The following SLC43A2 variants were observed in gnomAD, a reference collection of about 807,000 sequenced individuals.
The protein encoded by SLC43A2 is large neutral amino acids transporter small subunit 4.
A neutral mutation model predicts 63.2 loss-of-function variants in SLC43A2; 38 were observed. The observed-to-expected ratio is 0.60, with a 90% CI of 0.46 to 0.79. SLC43A2 has a LOEUF of 0.79. Among genes scored for constraint, SLC43A2 ranks in the 30% least tolerant of loss-of-function variants. The pLI, the probability that SLC43A2 is intolerant of heterozygous loss-of-function variation, is 0.00. For missense variants in SLC43A2, 644 were observed against 756.2 expected, an observed-to-expected ratio of 0.85 and a Z score of 1.74; for synonymous variants, 322 against 331.0, an observed-to-expected ratio of 0.97 and a Z score of 0.30.
chr17:1,585,789 G>A (rs536562930), intron 10 of SLC43A2, 124 bp downstream of exon 10: 20 of 1,599,850 alleles, frequency 1.3e-5, no homozygotes, highest in Middle Eastern at 1.7e-4. Flanking sequence ...TAAGGGCTCC[G>A]GGAGCAGCTG....
At chr17:1,590,302 G>T (rs146550798) in intron 9 of SLC43A2, among the ~76,000 whole-genome samples, 1 of 151,650 alleles carries the variant, frequency 6.6e-6, no homozygotes, top group African/African-American at 2.4e-5. Flanking sequence ...CGCAAGCTCC[G>T]AGGAAGTCTC....
At chr17:1,580,442 C>G (rs1309997379) in intron 11 of SLC43A2, among the ~76,000 whole-genome samples, 1 of 152,268 alleles carries the variant, frequency 6.6e-6, no homozygotes, top group Non-Finnish European at 1.5e-5. Context: ...CCACCTCGGA[C>G]TGTGCTCCAG....
intron 5 of SLC43A2, among the ~76,000 whole-genome samples, chr17:1,607,694 T>A (rs1033203012): frequency 2.0e-5 from 3 of 152,034 alleles, no homozygotes; most frequent in East Asian, 1.9e-4. Flanking sequence ...GTTGGCAAAC[T>A]TTTTCCATAA....
intron 9 of SLC43A2, 71 bp from the exon 10 acceptor site, chr17:1,586,122 G>A: frequency 6.7e-7 from 1 of 1,501,530 alleles, no homozygotes; most frequent in Non-Finnish European, 8.9e-7. Flanking sequence ...GGCACCAGCT[G>A]GGAAGGGGCT....
chr17:1,611,013 G>A (rs1907049314), intron 5 of SLC43A2, among the ~76,000 whole-genome samples: 1 of 151,774 alleles, frequency 6.6e-6, no homozygotes, highest in African/African-American at 2.4e-5. Flanking sequence ...GCTAATTTTT[G>A]TATATTTTAG....
In SLC43A2 at chr17:1,627,761, G is replaced by T. The variant is rs763980099; in HGVS notation, c.114C>A (p.Ile38=). Residue 38 remains isoleucine, a synonymous_variant, in exon 2 of 14, where the codon ATC becomes ATA. Coordinates refer to ENST00000301335, the MANE Select transcript of SLC43A2 (RefSeq NM_152346.3). The part of the protein sequence containing the change: ...AVLLGWGSLL[I]MLKSEGFYSY... ...AGTAAAAGCCCTCTGACTTGAGCATGATGAGCAGCGAGCCCCAGCCCAGGA... is the reference window on the plus strand; with the variant it reads ...AGTAAAAGCCCTCTGACTTGAGCATTATGAGCAGCGAGCCCCAGCCCAGGA... 3.6e-5 allele frequency: 57 copies of T among 1,595,230 alleles called. 1 individual carries two copies. In the East Asian group the frequency reaches 1.0e-3, roughly 28 times the overall value.
At chr17:1,584,717 G>A (rs2076074764) in intron 10 of SLC43A2, among the ~76,000 whole-genome samples, 1 of 151,820 alleles carries the variant, frequency 6.6e-6, no homozygotes, top group Admixed American at 6.6e-5. Flanking sequence ...ATACTTGGAA[G>A]CCTGAGGCAG....
In SLC43A2 at chr17:1,620,826, C is replaced by T. The variant is rs1413635166; in HGVS notation, c.161-4057G>A. Among the ~76,000 whole-genome samples, 4 of 152,044 alleles carry T rather than the reference C, an allele frequency of 2.6e-5. No individual in the cohort carries two copies. The South Asian group carries it at 8.3e-4, about 32-fold the overall frequency. The stretch of plus-strand genomic sequence containing the variant: ...CTCCCTCTGGTCCCACCTGGGCCAC[C>T]GTGGGTCAGGAGAGAGACAAACAGA... On this transcript the variant is annotated intron_variant, in intron 2 of 13. Coordinates refer to ENST00000301335, the MANE Select transcript of SLC43A2 (RefSeq NM_152346.3).
intron 2 of SLC43A2, among the ~76,000 whole-genome samples, chr17:1,627,459 G>A (rs1450997768): frequency 6.6e-6 from 1 of 152,198 alleles, no homozygotes; most frequent in Non-Finnish European, 1.5e-5. Context: ...CAGCAGGTGG[G>A]GTTCTGGGTG....
chr17:1,584,910 A>C (rs1000776911), intron 10 of SLC43A2, among the ~76,000 whole-genome samples: 1 of 152,242 alleles, frequency 6.6e-6, no homozygotes, highest in Admixed American at 6.5e-5. Flanking sequence ...GGACTCCAGT[A>C]CCTTGTTTAA....
intron 5 of SLC43A2, among the ~76,000 whole-genome samples, chr17:1,594,774 G>C (rs1038714785): frequency 7.3e-5 from 11 of 151,610 alleles, no homozygotes; most frequent in Non-Finnish European, 1.3e-4. Context: ...ATTTTCAGTA[G>C]AGACGGGGTT....
At chr17:1,622,480 G>A (rs1017390691) in intron 2 of SLC43A2, among the ~76,000 whole-genome samples, 13 of 151,560 alleles carry the variant, frequency 8.6e-5, no homozygotes, top group Non-Finnish European at 1.3e-4. Flanking sequence ...CAGGAGAATG[G>A]CGTGAACCCG....
rs1242589271 is a variant in SLC43A2, at chr17:1,627,770, C to T, written c.105G>A (p.Ser35=). The change falls in exon 2 of 14, where the codon TCG becomes TCA. Residue 35 remains serine, a synonymous_variant. Transcript: ENST00000301335. ...LFSAVLLGWG[S]LLIMLKSEGF... ...CCTCTGACTTGAGCATGATGAGCAGCGAGCCCCAGCCCAGGAGGACTGCCG... is the reference window on the plus strand; with the variant it reads ...CCTCTGACTTGAGCATGATGAGCAGTGAGCCCCAGCCCAGGAGGACTGCCG... 1 of 1,597,510 alleles carries T rather than the reference C, an allele frequency of 6.3e-7. No homozygotes were observed.
At chr17:1,575,867 T>G (rs2151025464) in intron 13 of SLC43A2, 102 bp from the exon 14 acceptor site, 1 of 1,360,138 alleles carries the variant, frequency 7.4e-7, no homozygotes, top group East Asian at 2.5e-5. Context: ...GGTCACGGGG[T>G]GGAAGGGGGA....
chr17:1,611,287 G>C (rs892778810), intron 5 of SLC43A2, among the ~76,000 whole-genome samples: 1 of 152,180 alleles, frequency 6.6e-6, no homozygotes, highest in African/African-American at 2.4e-5. Flanking sequence ...GGCGTCGCGT[G>C]ACTAAAATAA....
At position 1,593,407 on chromosome 17, in the gene SLC43A2, G is replaced by C; in HGVS notation, c.502-128C>G. The C allele has an allele frequency of 1.2e-6, 1 of 804,022 alleles. No individual in the cohort carries two copies. The highest frequency in any genetic ancestry group is 2.1e-6 in the Non-Finnish European group (1 of 484,504). The allele number at this position is 804,022 out of a possible 1,614,324, so 49.8% of individuals were successfully genotyped here. A position where few individuals can be genotyped will look rare whatever the true frequency, so the allele number is the denominator to read the frequency against. ...GCGCCCCTTCCTGTGTGACTCACAG[G>C]GGCATTAGTTCAGGGGCAATGACCG... On this transcript the variant is annotated intron_variant, in intron 5 of 13. Coordinates refer to ENST00000301335, the MANE Select transcript of SLC43A2 (RefSeq NM_152346.3). The surrounding 1 kb of genome is among the most constrained non-coding windows in gnomAD (Gnocchi z 5.3).
At chr17:1,587,717 T>C (rs970618847) in intron 9 of SLC43A2, among the ~76,000 whole-genome samples, 1 of 152,256 alleles carries the variant, frequency 6.6e-6, no homozygotes, top group African/African-American at 2.4e-5. Flanking sequence ...GTATCTATCA[T>C]AAATGATGAC....
Position 1,609,253 on chromosome 17 carries a change from G to A in SLC43A2, c.501+3942C>T, listed in dbSNP as rs552774441. On this transcript the variant is annotated intron_variant, in intron 5 of 13. Coordinates refer to ENST00000301335, the MANE Select transcript of SLC43A2 (RefSeq NM_152346.3). ...AATTTCACTCGTCGCCCAGGCCGGA[G>A]TGCAGTGGCGCAATCTCGACTCGCT... 4.6e-5 allele frequency among the ~76,000 whole-genome samples: 7 copies of A among 152,266 alleles called. No homozygotes were observed. The East Asian group carries it at 1.4e-3, about 29-fold the overall frequency.
chr17:1,620,132 AG>A (rs1908020625), intron 2 of SLC43A2, among the ~76,000 whole-genome samples: 1 of 152,194 alleles, frequency 6.6e-6, no homozygotes, highest in African/African-American at 2.4e-5. Flanking sequence ...TGGGAGGCCG[AG>A]GCAGGCGGAC....
Sources: allele counts gnomAD v4.1 joint callset (sites outside exome capture counted in the v4.1 genomes callset), GRCh38; gene constraint gnomAD v4.1.1; non-coding constraint Gnocchi (gnomAD v3.1); transcripts MANE v1.5; gene names NCBI Gene and HGNC (gene_info 2026-07-23, HGNC 2026-07-21).